CYP1A1: variants seen among roughly 807,000 people sequenced by gnomAD.
CYP1A1 encodes the protein cytochrome P450 1A1.
CYP1A1 carries 43 observed loss-of-function variants against 33.6 expected under a neutral mutation model. The ratio of observed to expected loss-of-function variants is 1.28; its 90% CI spans 1.00 to 1.65. The LOEUF (loss-of-function observed/expected upper bound fraction) is 1.65. Ranked by LOEUF, CYP1A1 falls within the 40% of genes most tolerant of loss-of-function variation. CYP1A1 has a pLI of 0.00. For missense variants in CYP1A1, 637 were observed against 653.7 expected, an observed-to-expected ratio of 0.97 and a Z score of 0.28; for synonymous variants, 280 against 257.8, an observed-to-expected ratio of 1.09 and a Z score of -0.83.
rs762508089 is a variant in CYP1A1 at position 74,721,585 on chromosome 15, C to A, written c.952+6G>T. The A allele has an allele frequency of 1.2e-6, 2 of 1,614,166 alleles. No individual in the cohort carries two copies. The highest frequency in any genetic ancestry group is 1.6e-4 in the Middle Eastern group (1 of 6,062). ...GCACAGGAAGGACACAATGGGGTAA[C>A]CATACCAGCTCCAAAGAGGTCCAAG... On this transcript the variant is annotated splice_donor_region_variant and intron_variant, in intron 3 of 6. Coordinates refer to ENST00000379727, the MANE Select transcript of CYP1A1 (RefSeq NM_001319217.2).
intron 1 of CYP1A1, among the ~76,000 whole-genome samples, chr15:74,724,003 C>T (rs541994073): frequency 1.3e-5 from 2 of 152,314 alleles, no homozygotes; most frequent in African/African-American, 4.8e-5. Flanking sequence ...TCCCAAACCA[C>T]ATTGCTTTCA....
At chr15:74,721,545 G>C (rs772363057) in intron 3 of CYP1A1, 42 bp from the exon 4 acceptor site, 2 of 1,614,150 alleles carry the variant, frequency 1.2e-6, no homozygotes, top group South Asian at 1.1e-5. Context: ...GGCAGCAGCA[G>C]GTCAGGGCAC....
rs2063185505 is a variant in CYP1A1 at position 74,722,909 on chromosome 15, C to G, written c.189G>C (p.Leu63=). Residue 63 remains leucine (L), a synonymous_variant, in exon 2 of 7, where the codon CTG becomes CTC. Coordinates refer to ENST00000379727, the MANE Select transcript of CYP1A1 (RefSeq NM_001319217.2). ...CCCCATACTGCTGGCTCATCCTTGACAGTGCCAGGTGCGGGTTCTTTCCCA... is the reference window on the plus strand; with the variant it reads ...CCCCATACTGCTGGCTCATCCTTGAGAGTGCCAGGTGCGGGTTCTTTCCCA... ...LTLGKNPHLA[L]SRMSQQYGDV... is the part of the protein sequence containing the mutation. 6.2e-7 allele frequency: 1 copy of G among 1,614,070 alleles called. No individual in the cohort carries two copies. The highest frequency in any genetic ancestry group is 8.5e-7 in the Non-Finnish European group (1 of 1,180,042).
At position 74,722,764 on chromosome 15, in the gene CYP1A1, A is replaced by G; in HGVS notation, c.334T>C (p.Phe112Leu). Residue 112 changes from phenylalanine to leucine, a missense_variant, in exon 2 of 7, where the codon TTC becomes CTC. Coordinates refer to ENST00000379727, the MANE Select transcript of CYP1A1 (RefSeq NM_001319217.2). Reference protein sequence around the residue: ...DFKGRPDLYTFTLISNGQSMS... With the variant: ...DFKGRPDLYTLTLISNGQSMS... Reference sequence around the variant, plus strand: ...CTCTGACCATTACTGATGAGGGTGAAGGTGTAGAGGTCGGGCCGGCCCTTG... The same window carrying G: ...CTCTGACCATTACTGATGAGGGTGAGGGTGTAGAGGTCGGGCCGGCCCTTG... 1 of 1,613,646 alleles carries G rather than the reference A, an allele frequency of 6.2e-7. No homozygotes were observed. The highest frequency in any genetic ancestry group is 8.5e-7 in the Non-Finnish European group (1 of 1,180,000).
In CYP1A1 at chr15:74,722,311, G is replaced by T; in HGVS notation, c.787C>A (p.Gln263Lys). Residue 263 changes from glutamine (Q) to lysine (K), a missense_variant, in exon 2 of 7, where the codon CAG (glutamine) becomes AAG (lysine). Physicochemically the swap from Gln to Lys is moderately conservative, Grantham distance 53 (BLOSUM62 1). Coordinates refer to ENST00000379727, the MANE Select transcript of CYP1A1 (RefSeq NM_001319217.2). ...DLNEKFYSFM[Q>K]KMVKEHYKTF... ...TTGTAGTGCTCCTTGACCATCTTCT[G>T]CATGAAGCTGTAGAACTTCTCATTC... 1.2e-6 allele frequency: 2 copies of T among 1,613,740 alleles called. No homozygotes were observed. Among genetic ancestry groups the T allele is most frequent in the Non-Finnish European group, 1.7e-6 (2 of 1,179,728 alleles).
intron 1 of CYP1A1, among the ~76,000 whole-genome samples, chr15:74,724,676 G>A (rs1162100978): frequency 6.7e-6 from 1 of 149,942 alleles, no homozygotes; most frequent in East Asian, 1.9e-4. Flanking sequence ...AGTCAACAGG[G>A]GACAGTGCCA....
rs771849645 is a variant in CYP1A1 at position 74,721,250 on chromosome 15, A to C, written c.1115T>G (p.Ile372Ser). 8 of 1,613,694 alleles carry C rather than the reference A, an allele frequency of 5.0e-6. No homozygotes were observed. In the African/African-American group the frequency reaches 1.1e-4, roughly 22 times the overall value. Reference protein sequence around the residue: ...RSHLPYMEAFILETFRHSSFV... With the variant: ...RSHLPYMEAFSLETFRHSSFV... ...GGAAGAGTGTCGGAAGGTCTCCAGG[A>C]TGAAGGCCTCCATATAGGGCAGATG... The change falls in exon 5 of 7, where the codon ATC becomes AGC. Residue 372 changes from isoleucine to serine, a missense_variant. Coordinates refer to ENST00000379727, the MANE Select transcript of CYP1A1 (RefSeq NM_001319217.2).
Position 74,720,567 on chromosome 15 carries a change from C to T in CYP1A1, c.1461G>A (p.Lys487=). ...GCCCATAGATGGGGGTCATGTCCAC[C>T]TTCACGCCCAGTGGCACGCTGAATT... ...RVEFSVPLGV[K]VDMTPIYGLT... The change falls in exon 7 of 7, where the codon AAG becomes AAA. Residue 487 remains lysine, a synonymous_variant. Coordinates refer to ENST00000379727, the MANE Select transcript of CYP1A1 (RefSeq NM_001319217.2). The T allele has an allele frequency of 6.2e-7, 1 of 1,612,804 alleles. No individual in the cohort carries two copies. Among genetic ancestry groups the T allele is most frequent in the Non-Finnish European group, 8.5e-7 (1 of 1,179,374 alleles).
At chr15:74,723,405 G>A (rs1596349613) in intron 1 of CYP1A1, among the ~76,000 whole-genome samples, 2 of 152,318 alleles carry the variant, frequency 1.3e-5, no homozygotes, top group South Asian at 4.1e-4. Context: ...GCCAGAAAGT[G>A]TTGGATGCAG....
At chr15:74,722,064 T>C in intron 2 of CYP1A1, 1 of 603,360 alleles carries the variant, frequency 1.7e-6, no homozygotes. Flanking sequence ...CAGTGGCTAT[T>C]GCTGTCTGTG....
Position 74,722,269 on chromosome 15 carries a change from G to T in CYP1A1, c.825+4C>A. ...CCACCCACCTGCCTTTCCCCAGACTGTACCTTCTCAAAGGTTTTGTAGTGC... is the reference window on the plus strand; with the variant it reads ...CCACCCACCTGCCTTTCCCCAGACTTTACCTTCTCAAAGGTTTTGTAGTGC... On this transcript the variant is annotated splice_donor_region_variant and intron_variant, in intron 2 of 6. Transcript: ENST00000379727. 1.2e-6 allele frequency: 2 copies of T among 1,605,582 alleles called. No individual in the cohort carries two copies. Among genetic ancestry groups the T allele is most frequent in the Non-Finnish European group, 1.7e-6 (2 of 1,173,108 alleles).
At chr15:74,724,040 C>T (rs1017474866) in intron 1 of CYP1A1, among the ~76,000 whole-genome samples, 16 of 152,140 alleles carry the variant, frequency 1.1e-4, no homozygotes, top group Admixed American at 6.5e-5. Flanking sequence ...TTCAACTGAT[C>T]CACAGTTTAA....
At chr15:74,723,592 A>G (rs2063191024) in intron 1 of CYP1A1, among the ~76,000 whole-genome samples, 1 of 152,186 alleles carries the variant, frequency 6.6e-6, no homozygotes, top group South Asian at 2.1e-4. Context: ...AACAATATCT[A>G]TGTGAAAGTA....
rs906507136 is a variant in CYP1A1 at position 74,719,984 on chromosome 15, G to T, written c.*505C>A. 2.0e-5 allele frequency: 3 copies of T among 152,682 alleles called. No individual in the cohort carries two copies. Among genetic ancestry groups the T allele is most frequent in the Non-Finnish European group, 2.9e-5 (2 of 68,414 alleles). The allele number at this position is 152,682 out of a possible 1,614,324, so 9.5% of individuals were successfully genotyped here. On this transcript the variant is annotated 3_prime_UTR_variant, in exon 7 of 7. Coordinates refer to ENST00000379727, the MANE Select transcript of CYP1A1 (RefSeq NM_001319217.2). ...TGTCCTAGACCCATAGGGTCAGATT[G>T]CTCAGCCTAGTTCAAGCAGTGAGAC...
In CYP1A1 at chr15:74,721,244, T is replaced by C. The variant is rs1269397584; in HGVS notation, c.1121A>G (p.Glu374Gly). Residue 374 changes from glutamate (E) to glycine (G), a missense_variant, in exon 5 of 7, where the codon GAG becomes GGG. Physicochemically the swap from Glu to Gly is moderately conservative, Grantham distance 98. Coordinates refer to ENST00000379727, the MANE Select transcript of CYP1A1 (RefSeq NM_001319217.2). ...GACGAAGGAAGAGTGTCGGAAGGTC[T>C]CCAGGATGAAGGCCTCCATATAGGG... The part of the protein sequence containing the change: ...HLPYMEAFIL[E>G]TFRHSSFVPF... 1.2e-6 allele frequency: 2 copies of C among 1,613,768 alleles called. No homozygotes were observed. The highest frequency in any genetic ancestry group is 4.5e-5 in the East Asian group (2 of 44,860).
In CYP1A1 at chr15:74,720,718, C is replaced by G; in HGVS notation, c.1310G>C (p.Gly437Ala). 6.2e-7 allele frequency: 1 copy of G among 1,614,116 alleles called. No individual in the cohort carries two copies. The highest frequency in any genetic ancestry group is 1.1e-5 in the South Asian group (1 of 91,080). ...CTCACTTAACACCTTGTCGATAGCA[C>G]CATCAGGGGTGAGAAACCGTTCAGG... ...FLPERFLTPD[G>A]AIDKVLSEKV... is the part of the protein sequence containing the mutation. Residue 437 changes from glycine to alanine, a missense_variant, in exon 7 of 7, where the codon GGT becomes GCT. Coordinates refer to ENST00000379727, the MANE Select transcript of CYP1A1 (RefSeq NM_001319217.2).
Position 74,722,897 on chromosome 15 carries a change from G to C in CYP1A1, c.201C>G (p.Ser67Arg), listed in dbSNP as rs749328902. The change falls in exon 2 of 7, where the codon AGC becomes AGG. Residue 67 changes from serine (S) to arginine (R), a missense_variant. Coordinates refer to ENST00000379727, the MANE Select transcript of CYP1A1 (RefSeq NM_001319217.2). Reference sequence around the variant, plus strand: ...TCTGCAGCACGTCCCCATACTGCTGGCTCATCCTTGACAGTGCCAGGTGCG... The same window carrying C: ...TCTGCAGCACGTCCCCATACTGCTGCCTCATCCTTGACAGTGCCAGGTGCG... ...KNPHLALSRM[S>R]QQYGDVLQIR... is the part of the protein sequence containing the mutation. The C allele has an allele frequency of 1.9e-6, 3 of 1,614,166 alleles. No homozygotes were observed. Among genetic ancestry groups the C allele is most frequent in the South Asian group, 2.2e-5 (2 of 91,078 alleles).
At position 74,722,358 on chromosome 15, in the gene CYP1A1, G is replaced by T; in HGVS notation, c.740C>A (p.Ser247Tyr). The change falls in exon 2 of 7, where the codon TCC (serine) becomes TAC (tyrosine). Residue 247 changes from serine to tyrosine, a missense_variant. Transcript: ENST00000379727. The stretch of plus-strand genomic sequence containing the variant: ...ATTCAGGTCCTTGAAGGCATTCAGG[G>T]AAGGGTTGGGTAGGTAGCGAAGAAT... ...IPILRYLPNP[S>Y]LNAFKDLNEK... The T allele has an allele frequency of 6.2e-7, 1 of 1,614,112 alleles. No homozygotes were observed.
intron 2 of CYP1A1, chr15:74,721,930 C>A (rs2063173736): frequency 1.6e-6 from 1 of 620,864 alleles, no homozygotes; most frequent in African/African-American, 1.8e-5. Context: ...CACACAGCGT[C>A]TTGTACTGTT....
Sources: gnomAD v4.1 joint callset for allele counts (sites outside exome capture counted in the v4.1 genomes callset) on GRCh38, gnomAD v4.1.1 for gene constraint, MANE v1.5 for transcripts, NCBI Gene and HGNC (gene_info 2026-07-23, HGNC 2026-07-21) for gene names.